Variants in KIF18A observed in about 807,000 individuals in gnomAD.
KIF18A encodes the protein kinesin family member 18A.
KIF18A carries 67 observed loss-of-function variants against 103.3 expected under a neutral mutation model. That is an observed-to-expected ratio of 0.65 (90% CI 0.53 to 0.79). The LOEUF (loss-of-function observed/expected upper bound fraction) is 0.79, where lower values mean the gene tolerates loss of function less well. KIF18A is among the 30% of genes least tolerant of loss of function. The pLI is 0.00. For missense variants in KIF18A, 1,032 were observed against 1,062.5 expected (o/e 0.97, Z 0.40); for synonymous variants, 367 against 355.5 (o/e 1.03, Z -0.36).
At chr11:28,040,869 C>T (rs1340589661) in intron 13 of KIF18A, among the ~76,000 whole-genome samples, 3 of 151,680 alleles carry the variant, frequency 2.0e-5, no homozygotes, top group African/African-American at 7.3e-5. Flanking sequence ...ATTTCTATTA[C>T]CTTGAATGAT....
chr11:28,048,152 C>G (rs1395101354), intron 13 of KIF18A, among the ~76,000 whole-genome samples: 2 of 152,108 alleles, frequency 1.3e-5, no homozygotes, highest in Non-Finnish European at 2.9e-5. Flanking sequence ...CTTCATTACC[C>G]ACTTACAATG....
At chr11:28,066,906 C>T (rs1850937483) in intron 11 of KIF18A, among the ~76,000 whole-genome samples, 1 of 151,092 alleles carries the variant, frequency 6.6e-6, no homozygotes, top group Admixed American at 6.6e-5. Context: ...GATGTCTATG[C>T]TATTGTTGCT....
intron 13 of KIF18A, among the ~76,000 whole-genome samples, chr11:28,049,103 A>T (rs1850677654): frequency 1.3e-5 from 2 of 152,072 alleles, no homozygotes; most frequent in South Asian, 4.1e-4. Flanking sequence ...ACTAGTTTAG[A>T]TGTCACTATA....
At chr11:28,056,972 G>A in intron 13 of KIF18A, 1 of 363,416 alleles carries the variant, frequency 2.8e-6, no homozygotes, top group South Asian at 2.0e-5. Flanking sequence ...GAAAATATAG[G>A]CAGATTTGAC....
chr11:28,101,201 CCTGT>C (rs780199933), intron 1 of KIF18A, among the ~76,000 whole-genome samples: 1 of 152,014 alleles, frequency 6.6e-6, no homozygotes, highest in East Asian at 1.9e-4. Context: ...ATTTCTCTCC[CCTGT>C]CTATTAAAGG....
chr11:28,064,762 A>C (rs1850896848), intron 11 of KIF18A, among the ~76,000 whole-genome samples: 1 of 152,110 alleles, frequency 6.6e-6, no homozygotes. Flanking sequence ...TTACAATTTA[A>C]GTCTTTCTTG....
intron 13 of KIF18A, among the ~76,000 whole-genome samples, chr11:28,040,123 T>C (rs950905562): frequency 6.6e-6 from 1 of 151,804 alleles, no homozygotes; most frequent in African/African-American, 2.4e-5. Flanking sequence ...AACTAAATTT[T>C]ACTCTGAATA....
chr11:28,105,090 A>G (rs571033888), intron 1 of KIF18A, among the ~76,000 whole-genome samples: 2 of 152,224 alleles, frequency 1.3e-5, no homozygotes, highest in African/African-American at 2.4e-5. Context: ...TTTAGTAACA[A>G]TAAGTTATAT....
In KIF18A at chr11:28,023,836, C is replaced by G. The variant is rs1850276511; in HGVS notation, c.2519G>C (p.Ser840Thr). The change falls in exon 16 of 17, where the codon AGT (serine) becomes ACT (threonine). Residue 840 changes from serine to threonine, a missense_variant. Coordinates refer to ENST00000263181, the MANE Select transcript of KIF18A (RefSeq NM_031217.4). ...AGAATTTACGTCTGCAGTTAACGAA[C>G]TGTTTGATGTAGAACTTGAGAGGAA... is the stretch of plus-strand genomic sequence containing the variant. ...KRKLTSSTSN[S>T]SLTADVNSGF... 3 of 1,608,640 alleles carry G rather than the reference C, an allele frequency of 1.9e-6. No individual in the cohort carries two copies. Among genetic ancestry groups the G allele is most frequent in the Non-Finnish European group, 2.6e-6 (3 of 1,176,016 alleles).
intron 11 of KIF18A, among the ~76,000 whole-genome samples, chr11:28,066,908 AT>A (rs1850937549): frequency 6.6e-6 from 1 of 151,166 alleles, no homozygotes; most frequent in Admixed American, 6.6e-5. Flanking sequence ...TGTCTATGCT[AT>A]TGTTGCTTAG....
intron 13 of KIF18A, chr11:28,056,973 C>A: frequency 2.8e-6 from 1 of 362,140 alleles, no homozygotes; most frequent in Non-Finnish European, 5.4e-6. Context: ...AAAATATAGG[C>A]AGATTTGACT....
intron 10 of KIF18A, 105 bp from the exon 11 acceptor site, chr11:28,069,528 A>C: frequency 2.9e-6 from 3 of 1,046,570 alleles, no homozygotes; most frequent in Non-Finnish European, 4.0e-6. Context: ...GTAGTAAATT[A>C]AGTTAGGCTA....
intron 13 of KIF18A, among the ~76,000 whole-genome samples, chr11:28,046,879 C>G (rs1391690248): frequency 6.7e-6 from 1 of 150,284 alleles, no homozygotes. Context: ...TGGTGAAACC[C>G]CTTCTCTACT....
chr11:28,100,673 G>T (rs749297180), intron 1 of KIF18A, among the ~76,000 whole-genome samples: 10 of 151,974 alleles, frequency 6.6e-5, no homozygotes, highest in Admixed American at 4.6e-4. Flanking sequence ...CTTTCGGACA[G>T]AATTCAAATA....
intron 11 of KIF18A, among the ~76,000 whole-genome samples, chr11:28,065,624 T>C (rs527714638): frequency 3.3e-5 from 5 of 152,020 alleles, no homozygotes; most frequent in Admixed American, 2.6e-4. Context: ...AAACACAAAA[T>C]AGCGATAATA....
chr11:28,042,262 GT>G (rs1850569946), intron 13 of KIF18A, among the ~76,000 whole-genome samples: 1 of 151,882 alleles, frequency 6.6e-6, no homozygotes, highest in African/African-American at 2.4e-5. Flanking sequence ...CTCCTAGGAA[GT>G]TGTACCAAAG....
intron 1 of KIF18A, among the ~76,000 whole-genome samples, chr11:28,103,271 T>C (rs1851467344): frequency 6.6e-6 from 1 of 151,886 alleles, no homozygotes; most frequent in Admixed American, 6.6e-5. Context: ...TAGAGTATTT[T>C]GGATTTTCAG....
chr11:28,084,440 A>C, intron 7 of KIF18A, 192 bp downstream of exon 7: 1 of 213,172 alleles, frequency 4.7e-6, no homozygotes, highest in Non-Finnish European at 9.2e-6. Context: ...ATATATATAT[A>C]TATAATCAAG....
chr11:28,077,044 T>C lies in KIF18A; in HGVS notation c.1388A>G (p.Gln463Arg). Residue 463 changes from glutamine (Q) to arginine (R), a missense_variant, in exon 10 of 17, where the codon CAA becomes CGA. Gln to Arg is a conservative substitution (Grantham distance 43, BLOSUM62 1). Transcript: ENST00000263181. ...GTCTTCAGAACACATCATTTCTATTTGTTTATGGCACTGTTGTTGGTAGAA... is the reference window on the plus strand; with the variant it reads ...GTCTTCAGAACACATCATTTCTATTCGTTTATGGCACTGTTGTTGGTAGAA... ...KSFYQQQCHK[Q>R]IEMMCSEDKV... The C allele has an allele frequency of 6.4e-7, 1 of 1,565,130 alleles. No individual in the cohort carries two copies. The highest frequency in any genetic ancestry group is 8.6e-7 in the Non-Finnish European group (1 of 1,157,286).
Sources: gnomAD v4.1 joint callset for allele counts (sites outside exome capture counted in the v4.1 genomes callset) on GRCh38, gnomAD v4.1.1 for gene constraint, MANE v1.5 for transcripts, NCBI Gene and HGNC (gene_info 2026-07-23, HGNC 2026-07-21) for gene names.